MANBA: variants seen among roughly 807,000 people sequenced by gnomAD.
The protein encoded by MANBA is mannosidase beta.
MANBA carries 83 observed loss-of-function variants against 111.1 expected under a neutral mutation model. The ratio of observed to expected loss-of-function variants is 0.75; its 90% CI spans 0.63 to 0.90. The LOEUF is 0.90. Ranked by LOEUF, MANBA falls within the 40% of genes least tolerant of loss-of-function variation. The probability of loss-of-function intolerance (pLI) is 0.00; values close to 1 mark genes in which losing one functional copy is unlikely to be tolerated. For synonymous variants in MANBA, 370 were observed against 378.7 expected, an observed-to-expected ratio of 0.98 and a Z score of 0.27; for missense variants, 1,036 against 1,069.0, an observed-to-expected ratio of 0.97 and a Z score of 0.43.
chr4:102,728,359 T>G, intron 1 of MANBA: 3 of 530,204 alleles, frequency 5.7e-6, no homozygotes, highest in Non-Finnish European at 1.1e-5. Context: ...TCTGCAGGCT[T>G]TTGCCTACAC....
chr4:102,674,768 A>C (rs992958819), intron 7 of MANBA, among the ~76,000 whole-genome samples: 13 of 152,188 alleles, frequency 8.5e-5, no homozygotes, highest in Non-Finnish European at 7.3e-5. Flanking sequence ...CCAGATAGAG[A>C]AGCTTTGACA....
At chr4:102,728,866 G>T in intron 1 of MANBA, 1 of 811,460 alleles carries the variant, frequency 1.2e-6, no homozygotes, top group Non-Finnish European at 2.1e-6. Context: ...CCACACCAGA[G>T]CCAAAGCTGG....
At chr4:102,678,474 T>C (rs1731818495) in intron 7 of MANBA, among the ~76,000 whole-genome samples, 1 of 149,986 alleles carries the variant, frequency 6.7e-6, no homozygotes. Context: ...AACACATATT[T>C]GCATCCAAAG....
intron 5 of MANBA, among the ~76,000 whole-genome samples, chr4:102,709,409 A>G (rs1031296967): frequency 1.4e-5 from 2 of 140,232 alleles, no homozygotes; most frequent in African/African-American, 5.8e-5. Context: ...AAAAAAAAGA[A>G]AGAAAGAAAG....
intron 5 of MANBA, among the ~76,000 whole-genome samples, chr4:102,700,273 C>T (rs531079723): frequency 4.6e-5 from 7 of 151,966 alleles, no homozygotes; most frequent in South Asian, 2.1e-4. Flanking sequence ...GTCTTGCTAA[C>T]GGTCTATCAA....
At position 102,727,298 on chromosome 4, in the gene MANBA, C is replaced by T; in HGVS notation, c.178-615G>A. On this transcript the variant is annotated intron_variant, in intron 1 of 16. Coordinates refer to ENST00000647097, the MANE Select transcript of MANBA (RefSeq NM_005908.4). The stretch of plus-strand genomic sequence containing the variant: ...TTGACTTCTGCTCTTTCTGTTTGCT[C>T]TGGGCTTCCGTGCTCTCATTGATAT... 8.4e-6 allele frequency: 5 copies of T among 597,726 alleles called. No homozygotes were observed. The South Asian group carries it at 9.5e-5, about 11-fold the overall frequency. The allele number at this position is 597,726 out of a possible 1,614,324, so 37.0% of individuals were successfully genotyped here.
At chr4:102,715,047 A>T (rs1183025868) in intron 4 of MANBA, among the ~76,000 whole-genome samples, 1 of 152,110 alleles carries the variant, frequency 6.6e-6, no homozygotes, top group Admixed American at 6.5e-5. Flanking sequence ...GTGCCCCCCA[A>T]CCACCATACA....
Position 102,631,422 on chromosome 4 carries a change from G to A in MANBA, c.*635C>T, listed in dbSNP as rs1729369115. The stretch of plus-strand genomic sequence containing the variant: ...ATAACGAGAACTAAATGGAAATTAG[G>A]GTCCAGCACAGTATTGGGCAAAATT... On this transcript the variant is annotated 3_prime_UTR_variant, in exon 17 of 17. Coordinates refer to ENST00000647097, the MANE Select transcript of MANBA (RefSeq NM_005908.4). 4.4e-6 allele frequency: 1 copy of A among 225,798 alleles called. No homozygotes were observed. Among genetic ancestry groups the A allele is most frequent in the Non-Finnish European group, 8.5e-6 (1 of 118,076 alleles). 14.0% of individuals were successfully genotyped at this position (225,798 alleles called of 1,614,324 possible). A position where few individuals can be genotyped will look rare whatever the true frequency, so the allele number is the denominator to read the frequency against.
chr4:102,668,868 T>C, intron 10 of MANBA, 95 bp downstream of exon 10: 2 of 971,282 alleles, frequency 2.1e-6, no homozygotes, highest in Non-Finnish European at 3.2e-6. Flanking sequence ...TGGGATTTAG[T>C]AGAGAACAAA....
At chr4:102,670,483 T>C (rs558057779) in intron 9 of MANBA, among the ~76,000 whole-genome samples, 4 of 152,264 alleles carry the variant, frequency 2.6e-5, no homozygotes, top group African/African-American at 9.6e-5. Flanking sequence ...ACAACAATAA[T>C]AGAACTAACA....
At chr4:102,714,886 T>C (rs1309497087) in intron 4 of MANBA, among the ~76,000 whole-genome samples, 1 of 152,190 alleles carries the variant, frequency 6.6e-6, no homozygotes, top group Non-Finnish European at 1.5e-5. Flanking sequence ...AGGACACTAG[T>C]TGTATTGGAA....
At chr4:102,752,032 A>C (rs1475896080) in intron 1 of MANBA, 6 of 749,072 alleles carry the variant, frequency 8.0e-6, no homozygotes, top group Non-Finnish European at 1.5e-5. Flanking sequence ...CTGGGATAAG[A>C]TGCTAAAGAT....
intron 11 of MANBA, among the ~76,000 whole-genome samples, chr4:102,664,017 C>G (rs1382034148): frequency 1.3e-5 from 2 of 152,144 alleles, no homozygotes; most frequent in African/African-American, 4.8e-5. Context: ...TGATATATAC[C>G]AAAGTCTACT....
intron 7 of MANBA, among the ~76,000 whole-genome samples, chr4:102,688,778 G>A (rs531375016): frequency 1.4e-4 from 21 of 152,208 alleles, no homozygotes; most frequent in Middle Eastern, 6.8e-3. Context: ...ATCCTAAAAT[G>A]GGTAAAACTG....
intron 1 of MANBA, among the ~76,000 whole-genome samples, chr4:102,750,904 C>T (rs189621657): frequency 6.6e-6 from 1 of 151,942 alleles, no homozygotes; most frequent in Admixed American, 6.6e-5. Context: ...CAGAGTAATA[C>T]CCTATCTCAA....
At chr4:102,658,452 T>G (rs754038951) in intron 11 of MANBA, among the ~76,000 whole-genome samples, 3 of 152,244 alleles carry the variant, frequency 2.0e-5, no homozygotes, top group Non-Finnish European at 4.4e-5. Context: ...CTGAGTCAGA[T>G]GGACCCAAAC....
At chr4:102,715,742 G>A (rs1722295397) in intron 4 of MANBA, among the ~76,000 whole-genome samples, 1 of 152,036 alleles carries the variant, frequency 6.6e-6, no homozygotes, top group Admixed American at 6.6e-5. Context: ...GATAAGTTTT[G>A]GCATAATTTG....
chr4:102,693,476 G>C (rs1732575221), intron 5 of MANBA, among the ~76,000 whole-genome samples: 1 of 152,130 alleles, frequency 6.6e-6, no homozygotes, highest in African/African-American at 2.4e-5. Flanking sequence ...ACTATGTGAG[G>C]ACATAGCAAG....
At chr4:102,727,885 A>G in intron 1 of MANBA, 2 of 544,726 alleles carry the variant, frequency 3.7e-6, no homozygotes, top group Non-Finnish European at 6.8e-6. Flanking sequence ...GTGAAGGGGC[A>G]TTTATGAGGC....
Sources: allele counts gnomAD v4.1 joint callset (sites outside exome capture counted in the v4.1 genomes callset), GRCh38; gene constraint gnomAD v4.1.1; transcripts MANE v1.5; gene names NCBI Gene and HGNC (gene_info 2026-07-23, HGNC 2026-07-21).